Variants in ZNF143 observed in about 807,000 individuals in gnomAD.
ZNF143 encodes the protein zinc finger protein 143.
A neutral mutation model predicts 74.1 loss-of-function variants in ZNF143; 49 were observed. That is an observed-to-expected ratio of 0.66 (90% CI 0.53 to 0.84). The LOEUF (loss-of-function observed/expected upper bound fraction) is 0.84, where lower values mean the gene tolerates loss of function less well. Among genes scored for constraint, ZNF143 ranks in the 40% least tolerant of loss-of-function variants. The pLI is 0.00. For missense variants in ZNF143, 637 were observed against 793.4 expected, an observed-to-expected ratio of 0.80 and a Z score of 2.37; for synonymous variants, 304 against 282.8, an observed-to-expected ratio of 1.07 and a Z score of -0.75.
chr11:9,522,691 A>G (rs1029643758), intron 14 of ZNF143, among the ~76,000 whole-genome samples: 2 of 151,856 alleles, frequency 1.3e-5, no homozygotes, highest in Non-Finnish European at 1.5e-5. Context: ...ACGGGGTCTC[A>G]CCATGTTGGT....
At chr11:9,471,551 G>C (rs1038275488) in intron 2 of ZNF143, 131 bp downstream of exon 2, 3 of 499,374 alleles carry the variant, frequency 6.0e-6, no homozygotes, top group Non-Finnish European at 6.5e-6. Context: ...AGGTGTTTTG[G>C]TGTTTTTTTT....
chr11:9,501,299 A>T, intron 11 of ZNF143, 29 bp downstream of exon 11: 3 of 1,607,692 alleles, frequency 1.9e-6, no homozygotes, highest in Non-Finnish European at 8.5e-7. Context: ...TTGGTCTTTT[A>T]TCTTTCAAGG....
At chr11:9,516,462 G>A in intron 14 of ZNF143, 100 bp downstream of exon 14, 1 of 1,153,794 alleles carries the variant, frequency 8.7e-7, no homozygotes, top group African/African-American at 1.5e-5. Flanking sequence ...CACAAACTTG[G>A]GAGTGACTAA....
At chr11:9,511,544 C>T (rs941040197) in intron 12 of ZNF143, among the ~76,000 whole-genome samples, 6 of 151,346 alleles carry the variant, frequency 4.0e-5, no homozygotes, top group Non-Finnish European at 7.4e-5. Context: ...CCTCATGATC[C>T]GCCCGCCTTG....
At chr11:9,526,487 C>G (rs1351343800) in intron 15 of ZNF143, among the ~76,000 whole-genome samples, 1 of 152,116 alleles carries the variant, frequency 6.6e-6, no homozygotes, top group Admixed American at 6.5e-5. Context: ...GAAATGTCAG[C>G]TGTTGGCTTT....
At chr11:9,517,452 A>G (rs1848763674) in intron 14 of ZNF143, among the ~76,000 whole-genome samples, 1 of 152,180 alleles carries the variant, frequency 6.6e-6, no homozygotes, top group African/African-American at 2.4e-5. Flanking sequence ...CTAGAGCAGG[A>G]TTGCTGGTGC....
At chr11:9,468,556 C>T (rs141659840) in intron 1 of ZNF143, among the ~76,000 whole-genome samples, 9 of 152,214 alleles carry the variant, frequency 5.9e-5, no homozygotes, top group Non-Finnish European at 1.2e-4. Context: ...GAACTCTTTG[C>T]CCATACTTTA....
chr11:9,468,210 TATTG>T (rs1324759146), intron 1 of ZNF143, among the ~76,000 whole-genome samples: 1 of 152,222 alleles, frequency 6.6e-6, no homozygotes, highest in Non-Finnish European at 1.5e-5. Context: ...AGTGCTACTT[TATTG>T]AAGTTTAAGA....
intron 1 of ZNF143, among the ~76,000 whole-genome samples, chr11:9,465,489 TTTTA>T (rs913464386): frequency 1.3e-5 from 2 of 150,944 alleles, no homozygotes; most frequent in Admixed American, 6.6e-5. Context: ...TGGCTGGTAC[TTTTA>T]TTTATTTATT....
In ZNF143 at chr11:9,504,264, A is replaced by AGAC. The variant is rs1565054578; in HGVS notation, c.1147+2994_1147+2995insGAC. Among the ~76,000 whole-genome samples the AGAC allele has an allele frequency of 1.7e-3, 218 of 127,704 alleles. 2 individuals are homozygous for AGAC. The highest frequency in any genetic ancestry group is 8.6e-3 in the Middle Eastern group (2 of 232). 83.8% of individuals were successfully genotyped at this position (127,704 alleles called of 152,430 possible). A position where few individuals can be genotyped will look rare whatever the true frequency, so the allele number is the denominator to read the frequency against. Reference sequence around the variant, plus strand: ...TTGAGCCACCACACCTGGCCAAAGCATCTTTTTATGTATTTATTAGCCATG... The same window carrying AGAC: ...TTGAGCCACCACACCTGGCCAAAGCAGACTCTTTTTATGTATTTATTAGCCATG... On this transcript the variant is annotated intron_variant, in intron 11 of 15. Coordinates refer to ENST00000396602, the MANE Select transcript of ZNF143 (RefSeq NM_003442.6).
chr11:9,502,504 G>A (rs1440127996), intron 11 of ZNF143, among the ~76,000 whole-genome samples: 2 of 150,292 alleles, frequency 1.3e-5, no homozygotes, highest in Non-Finnish European at 3.0e-5. Context: ...CAGCTACTCC[G>A]GAGGCTGAGG....
At chr11:9,520,603 C>G (rs1565068890) in intron 14 of ZNF143, among the ~76,000 whole-genome samples, 1 of 151,996 alleles carries the variant, frequency 6.6e-6, no homozygotes, top group Admixed American at 6.6e-5. Flanking sequence ...CCAGCCTGGC[C>G]AGCATGGTGA....
intron 13 of ZNF143, among the ~76,000 whole-genome samples, chr11:9,512,858 G>T (rs1476057062): frequency 6.6e-6 from 1 of 152,180 alleles, no homozygotes; most frequent in East Asian, 1.9e-4. Flanking sequence ...GAGGCTCAGG[G>T]CTTCAAAAGT....
Position 9,516,097 on chromosome 11 carries a change from C to T in ZNF143, c.1525-104C>T. 3.1e-6 allele frequency: 3 copies of T among 964,434 alleles called. 1 individual carries two copies. In the Admixed American group the frequency reaches 7.4e-5, roughly 24 times the overall value. The allele number at this position is 964,434 out of a possible 1,614,324, so 59.7% of individuals were successfully genotyped here. The stretch of plus-strand genomic sequence containing the variant: ...TATTTCATTCTAAAAGGCTTATTTA[C>T]ATCCACAGGGCAAACTTATACAAGG... On this transcript the variant is annotated intron_variant, in intron 13 of 15. Transcript: ENST00000396602.
At chr11:9,465,342 A>G (rs1856133443) in intron 1 of ZNF143, among the ~76,000 whole-genome samples, 1 of 151,920 alleles carries the variant, frequency 6.6e-6, no homozygotes, top group African/African-American at 2.4e-5. Flanking sequence ...GCACGCCACC[A>G]TGCCCAGCTA....
intron 7 of ZNF143, among the ~76,000 whole-genome samples, chr11:9,480,095 T>A (rs1239705772): frequency 6.6e-6 from 1 of 152,218 alleles, no homozygotes; most frequent in Admixed American, 6.5e-5. Flanking sequence ...TGGCTTCCCG[T>A]GGTTCAAATG....
intron 13 of ZNF143, 137 bp downstream of exon 13, chr11:9,512,733 T>A: frequency 1.0e-6 from 1 of 965,204 alleles, no homozygotes; most frequent in South Asian, 1.6e-5. Flanking sequence ...TTCAGTAGTC[T>A]GCTTACAGAG....
intron 5 of ZNF143, among the ~76,000 whole-genome samples, chr11:9,475,321 A>C (rs1856812324): frequency 2.0e-5 from 3 of 152,056 alleles, no homozygotes; most frequent in Non-Finnish European, 2.9e-5. Flanking sequence ...GTGCAGTGGT[A>C]CAATCATAGC....
rs183296912 is a variant in ZNF143, at chr11:9,491,496, C to T, written c.646-3150C>T. 6.9e-3 allele frequency among the ~76,000 whole-genome samples: 1,052 copies of T among 151,790 alleles called. 5 individuals are homozygous for T. Among genetic ancestry groups the T allele is most frequent in the Middle Eastern group, 0.02 (6 of 294 alleles). The stretch of plus-strand genomic sequence containing the variant: ...CTAAAAACACACAAAAAAATTAGCC[C>T]GGCATGGTGGCGGGCGCCTCTAGTC... On this transcript the variant is annotated intron_variant, in intron 7 of 15. Coordinates refer to ENST00000396602, the MANE Select transcript of ZNF143 (RefSeq NM_003442.6).
Sources: allele counts gnomAD v4.1 joint callset (sites outside exome capture counted in the v4.1 genomes callset), GRCh38; gene constraint gnomAD v4.1.1; transcripts MANE v1.5; gene names NCBI Gene and HGNC (gene_info 2026-07-23, HGNC 2026-07-21).